The following RNF111 variants were observed in gnomAD, a reference collection of about 807,000 sequenced individuals.
The protein encoded by RNF111 is E3 ubiquitin-protein ligase Arkadia.
RNF111 carries 17 observed loss-of-function variants against 95.1 expected under a neutral mutation model. That is an observed-to-expected ratio of 0.18 (90% CI 0.12 to 0.27). The LOEUF (loss-of-function observed/expected upper bound fraction) is 0.27. Ranked by LOEUF, RNF111 falls within the 10% of genes least tolerant of loss-of-function variation. RNF111 has a pLI of 1.00. For missense variants in RNF111, 1,189 were observed against 1,210.4 expected, an observed-to-expected ratio of 0.98 and a Z score of 0.26; for synonymous variants, 440 against 414.8, an observed-to-expected ratio of 1.06 and a Z score of -0.74.
At chr15:59,092,923 C>T (rs904427234) in intron 13 of RNF111, among the ~76,000 whole-genome samples, 1 of 152,090 alleles carries the variant, frequency 6.6e-6, no homozygotes, top group Non-Finnish European at 1.5e-5. Flanking sequence ...TGGCTCAAGC[C>T]CAGGAGTTTG....
chr15:59,049,168 C>T (rs1005453071), intron 2 of RNF111, among the ~76,000 whole-genome samples: 1 of 152,270 alleles, frequency 6.6e-6, no homozygotes, highest in African/African-American at 2.4e-5. Context: ...ACTCTATAGC[C>T]ATTATACAAC....
intron 1 of RNF111, among the ~76,000 whole-genome samples, chr15:59,021,862 T>G (rs2040361255): frequency 1.3e-5 from 2 of 152,060 alleles, no homozygotes; most frequent in Non-Finnish European, 2.9e-5. Context: ...TTTTCTAGCT[T>G]CTTATAAATT....
chr15:58,988,343 A>T (rs1215357422), intron 1 of RNF111: 5 of 152,316 alleles, frequency 3.3e-5, no homozygotes, highest in Non-Finnish European at 5.9e-5. Context: ...CTCTCCCTAG[A>T]GTCTCAGGAT....
intron 12 of RNF111, among the ~76,000 whole-genome samples, chr15:59,091,729 T>A (rs1173487523): frequency 6.6e-6 from 1 of 152,196 alleles, no homozygotes; most frequent in African/African-American, 2.4e-5. Flanking sequence ...CCCCAACCTT[T>A]TTGACACCAG....
chr15:59,008,570 G>T (rs2039648003), intron 1 of RNF111, among the ~76,000 whole-genome samples: 1 of 152,102 alleles, frequency 6.6e-6, no homozygotes, highest in South Asian at 2.1e-4. Context: ...TGGCACTTTT[G>T]TTGGAAAATC....
chr15:59,052,567 G>A lies in RNF111; in HGVS notation c.1007+136G>A, dbSNP rs916596636. The A allele has an allele frequency of 1.1e-5, 5 of 445,844 alleles. No homozygotes were observed. The Admixed American group carries it at 2.3e-4, about 20-fold the overall frequency. The allele number at this position is 445,844 out of a possible 1,614,324, so 27.6% of individuals were successfully genotyped here. On this transcript the variant is annotated intron_variant, in intron 3 of 13. Coordinates refer to ENST00000348370, the MANE Select transcript of RNF111 (RefSeq NM_017610.8). ...TTGAGTATGCATATATCAGATTAGT[G>A]GATTTTTTTTTTTTTTTTTTTTTTG...
intron 1 of RNF111, among the ~76,000 whole-genome samples, chr15:58,999,251 C>T (rs1487479646): frequency 6.6e-6 from 1 of 151,840 alleles, no homozygotes; most frequent in Non-Finnish European, 1.5e-5. Flanking sequence ...GAGAGATTTG[C>T]AAAAAATGTA....
intron 1 of RNF111, among the ~76,000 whole-genome samples, chr15:58,998,635 C>G (rs751916273): frequency 1.3e-5 from 2 of 152,150 alleles, no homozygotes; most frequent in Non-Finnish European, 2.9e-5. Flanking sequence ...GATATTTGTA[C>G]ATATTTTCTC....
intron 1 of RNF111, among the ~76,000 whole-genome samples, chr15:59,012,963 T>G (rs1406811760): frequency 1.3e-5 from 2 of 152,260 alleles, no homozygotes. Flanking sequence ...GGTCTTGAAC[T>G]CCTGACCTCA....
intron 5 of RNF111, among the ~76,000 whole-genome samples, chr15:59,063,416 T>C (rs2042523993): frequency 6.6e-6 from 1 of 152,204 alleles, no homozygotes; most frequent in Non-Finnish European, 1.5e-5. Context: ...CTAGAGTTAC[T>C]GAAGGCACTC....
At position 59,096,343 on chromosome 15, in the gene RNF111, GGATCATATGT is replaced by G. The variant is rs1296417443; in HGVS notation, c.*1446_*1455del. The G allele has an allele frequency of 3.0e-6, 1 of 336,444 alleles. No individual in the cohort carries two copies. Among genetic ancestry groups the G allele is most frequent in the Non-Finnish European group, 5.3e-6 (1 of 187,700 alleles). 20.8% of individuals were successfully genotyped at this position (336,444 alleles called of 1,614,324 possible). On this transcript the variant is annotated 3_prime_UTR_variant, in exon 14 of 14. Transcript: ENST00000348370. Reference sequence around the variant, plus strand: ...CTGTATGTGGAGGACATGTTCCCATGGATCATATGTGAAGATGTCAATAAGCTTGCATTAA... The same window carrying G: ...CTGTATGTGGAGGACATGTTCCCATGGAAGATGTCAATAAGCTTGCATTAA...
chr15:59,046,452 C>A (rs766899234), intron 2 of RNF111, among the ~76,000 whole-genome samples: 3 of 152,166 alleles, frequency 2.0e-5, no homozygotes, highest in Non-Finnish European at 2.9e-5. Context: ...CTCAGCCTAC[C>A]AGATTGCTGT....
chr15:59,038,177 T>C (rs190838328), intron 2 of RNF111, among the ~76,000 whole-genome samples: 1 of 152,318 alleles, frequency 6.6e-6, no homozygotes, highest in East Asian at 1.9e-4. Flanking sequence ...ATCACAATTT[T>C]TGAGAGCATA....
chr15:59,060,308 A>T (rs1163800948), intron 5 of RNF111, among the ~76,000 whole-genome samples: 2 of 144,070 alleles, frequency 1.4e-5, no homozygotes, highest in Middle Eastern at 3.6e-3. Context: ...TTTAATTCTT[A>T]AAAAAAAAAA....
chr15:59,066,295 A>G lies in RNF111; in HGVS notation c.1367-469A>G, dbSNP rs968973968. On this transcript the variant is annotated intron_variant, in intron 5 of 13. Coordinates refer to ENST00000348370, the MANE Select transcript of RNF111 (RefSeq NM_017610.8). The stretch of plus-strand genomic sequence containing the variant: ...CCAGTGAAGACCACTGCATAAAATC[A>G]TATGATGTATATGTTAAGAATATGG... 2.0e-5 allele frequency among the ~76,000 whole-genome samples: 3 copies of G among 152,320 alleles called. No homozygotes were observed. The South Asian group carries it at 6.2e-4, about 32-fold the overall frequency.
intron 6 of RNF111, among the ~76,000 whole-genome samples, chr15:59,072,765 T>G (rs192233361): frequency 2.6e-4 from 39 of 152,136 alleles, no homozygotes; most frequent in African/African-American, 9.2e-4. Flanking sequence ...CATTTCCATC[T>G]TTTTCCTAGT....
rs192784340 is a variant in RNF111 at position 59,087,426 on chromosome 15, G to A, written c.2550+1641G>A. 2.0e-3 allele frequency among the ~76,000 whole-genome samples: 309 copies of A among 152,274 alleles called. 1 individual carries two copies. The highest frequency in any genetic ancestry group is 2.3e-3 in the Non-Finnish European group (158 of 68,026). ...ACCCTCCTCACAGTCGAAAATCAGA[G>A]TATAACTTTTGAGTTCCTAAAATCT... is the stretch of plus-strand genomic sequence containing the variant. On this transcript the variant is annotated intron_variant, in intron 10 of 13. Transcript: ENST00000348370.
intron 5 of RNF111, 116 bp downstream of exon 5, chr15:59,058,666 T>A (rs780162725): frequency 2.2e-5 from 20 of 889,482 alleles, no homozygotes; most frequent in Middle Eastern, 3.5e-4. Context: ...TCTTACATTA[T>A]AATAAACTTC....
chr15:58,989,501 T>G (rs1285601863), intron 1 of RNF111, among the ~76,000 whole-genome samples: 2 of 152,224 alleles, frequency 1.3e-5, no homozygotes, highest in East Asian at 3.8e-4. Context: ...TCTCCTTGTT[T>G]ATCACGGGTG....
Sources: allele counts gnomAD v4.1 joint callset (sites outside exome capture counted in the v4.1 genomes callset), GRCh38; gene constraint gnomAD v4.1.1; transcripts MANE v1.5; gene names NCBI Gene and HGNC (gene_info 2026-07-23, HGNC 2026-07-21).